The following PDZRN3 variants were observed in gnomAD, a reference collection of about 807,000 sequenced individuals.
PDZRN3 encodes E3 ubiquitin-protein ligase PDZRN3.
Under a neutral mutation model 85.7 loss-of-function variants are expected in PDZRN3, and 38 were observed. The observed-to-expected ratio is 0.44, with a 90% CI of 0.34 to 0.58. PDZRN3 has a LOEUF of 0.58. Ranked by LOEUF, PDZRN3 falls within the 20% of genes least tolerant of loss-of-function variation. PDZRN3 has a pLI of 0.01. For missense variants in PDZRN3, 1,629 were observed against 1,506.4 expected, an observed-to-expected ratio of 1.08 and a Z score of -1.35; for synonymous variants, 759 against 638.0, an observed-to-expected ratio of 1.19 and a Z score of -2.86.
intron 5 of PDZRN3, among the ~76,000 whole-genome samples, chr3:73,393,904 T>TTCTA (rs927008863): frequency 3.3e-5 from 5 of 152,192 alleles, no homozygotes; most frequent in Non-Finnish European, 4.4e-5. Flanking sequence ...AGCATTTCTG[T>TTCTA]TCTATCTTTT....
chr3:73,464,603 G>C (rs1438007843), intron 3 of PDZRN3, among the ~76,000 whole-genome samples: 1 of 151,490 alleles, frequency 6.6e-6, no homozygotes, highest in East Asian at 1.9e-4. Context: ...TTATTATATT[G>C]GCTAGAATCC....
intron 3 of PDZRN3, among the ~76,000 whole-genome samples, chr3:73,488,475 G>A (rs1226671754): frequency 6.6e-6 from 1 of 152,132 alleles, no homozygotes; most frequent in Admixed American, 6.5e-5. Context: ...CTGCTGCCTG[G>A]AACAATCTTC....
At chr3:73,479,252 C>T (rs1559700585) in intron 3 of PDZRN3, among the ~76,000 whole-genome samples, 2 of 152,286 alleles carry the variant, frequency 1.3e-5, no homozygotes, top group Non-Finnish European at 1.5e-5. Flanking sequence ...GCTCTTTCAG[C>T]CCCCAAGGAA....
At chr3:73,433,674 C>G (rs1702476376) in intron 3 of PDZRN3, 1 of 1,535,992 alleles carries the variant, frequency 6.5e-7, no homozygotes, top group Non-Finnish European at 8.7e-7. Context: ...TACTGCTCCT[C>G]TTGCTTCTGC....
At chr3:73,396,924 A>G (rs1576033021) in intron 5 of PDZRN3, among the ~76,000 whole-genome samples, 1 of 152,164 alleles carries the variant, frequency 6.6e-6, no homozygotes, top group East Asian at 1.9e-4. Context: ...AATCCCTTTA[A>G]CTCTAAGCAG....
At chr3:73,504,080 G>T (rs1325677569) in intron 3 of PDZRN3, among the ~76,000 whole-genome samples, 1 of 152,126 alleles carries the variant, frequency 6.6e-6, no homozygotes, top group Non-Finnish European at 1.5e-5. Context: ...TTTATAAACA[G>T]AAATTAATAT....
intron 3 of PDZRN3, among the ~76,000 whole-genome samples, chr3:73,554,815 A>G (rs531622679): frequency 6.6e-6 from 1 of 152,346 alleles, no homozygotes; most frequent in Non-Finnish European, 1.5e-5. Context: ...TGATCAAACT[A>G]CCAGATTCTT....
rs550599906 is a variant in PDZRN3, at chr3:73,422,909, T to C, written c.919-18514A>G. On this transcript the variant is annotated intron_variant, in intron 3 of 9. Coordinates refer to ENST00000263666, the MANE Select transcript of PDZRN3 (RefSeq NM_015009.3). ...TTTAGAAAGTCGCCAGAGAGAGAAA[T>C]AAAAAGGAGAAAATACCAAGCAAAG... Among the ~76,000 whole-genome samples, 9 of 152,146 alleles carry C rather than the reference T, an allele frequency of 5.9e-5. No homozygotes were observed. In the South Asian group the frequency reaches 1.7e-3, roughly 28 times the overall value.
chr3:73,455,856 G>A (rs1702966109), intron 3 of PDZRN3, among the ~76,000 whole-genome samples: 1 of 152,186 alleles, frequency 6.6e-6, no homozygotes, highest in Admixed American at 6.5e-5. Context: ...TCCTGATGAT[G>A]TTTGAGCAGA....
At chr3:73,453,154 TC>T (rs1702901470) in intron 3 of PDZRN3, among the ~76,000 whole-genome samples, 1 of 152,024 alleles carries the variant, frequency 6.6e-6, no homozygotes, top group Non-Finnish European at 1.5e-5. Context: ...ATGCCTGTAA[TC>T]CCAGCACTTT....
Position 73,624,556 on chromosome 3 carries a change from G to T in PDZRN3, c.270C>A (p.Gly90=). The stretch of plus-strand genomic sequence containing the variant: ...GCAGCTGCTGCAGCTTGACCACCCG[G>T]CCGCAGCCGCGCGTCGCGTACGCGC... ...IKCAYATRGC[G]RVVKLQQLPE... The change falls in exon 1 of 10, where the codon GGC becomes GGA. Residue 90 remains glycine (G), a synonymous_variant. Transcript: ENST00000263666. The T allele has an allele frequency of 6.6e-7, 1 of 1,523,392 alleles. No individual in the cohort carries two copies. The allele number at this position is 1,523,392 out of a possible 1,614,324, so 94.4% of individuals were successfully genotyped here.
At chr3:73,592,316 T>TA (rs1474607018) in intron 3 of PDZRN3, among the ~76,000 whole-genome samples, 1 of 152,104 alleles carries the variant, frequency 6.6e-6, no homozygotes, top group Non-Finnish European at 1.5e-5. Flanking sequence ...TATTGAAAAA[T>TA]AAAAAATAAA....
At chr3:73,492,661 T>C (rs1703793229) in intron 3 of PDZRN3, among the ~76,000 whole-genome samples, 1 of 152,174 alleles carries the variant, frequency 6.6e-6, no homozygotes, top group Admixed American at 6.5e-5. Flanking sequence ...GCCCTGCTGC[T>C]AAGCACTGGC....
intron 3 of PDZRN3, among the ~76,000 whole-genome samples, chr3:73,531,174 C>G (rs907326131): frequency 6.7e-6 from 1 of 150,036 alleles, no homozygotes; most frequent in South Asian, 2.1e-4. Flanking sequence ...TGGCATGAAC[C>G]CGGGAGGCGG....
intron 3 of PDZRN3, among the ~76,000 whole-genome samples, chr3:73,435,085 G>T (rs1454986439): frequency 6.6e-6 from 1 of 152,206 alleles, no homozygotes; most frequent in Non-Finnish European, 1.5e-5. Context: ...CACGTCCCTT[G>T]CTGAGACGTG....
In PDZRN3 at chr3:73,436,383, C is replaced by A. The variant is rs973779001; in HGVS notation, c.919-31988G>T. 7.2e-5 allele frequency among the ~76,000 whole-genome samples: 11 copies of A among 152,144 alleles called. 1 individual carries two copies. The highest frequency in any genetic ancestry group is 6.3e-3 in the Middle Eastern group (2 of 316). Reference sequence around the variant, plus strand: ...TGACCTGTGCGGTCTCACAGACCCACCAGTCACAGCACAATTGGCAAGTAC... The same window carrying A: ...TGACCTGTGCGGTCTCACAGACCCAACAGTCACAGCACAATTGGCAAGTAC... On this transcript the variant is annotated intron_variant, in intron 3 of 9. Coordinates refer to ENST00000263666, the MANE Select transcript of PDZRN3 (RefSeq NM_015009.3).
chr3:73,527,999 C>G (rs1035134961), intron 3 of PDZRN3, among the ~76,000 whole-genome samples: 3 of 152,176 alleles, frequency 2.0e-5, no homozygotes, highest in Admixed American at 1.3e-4. Context: ...AAAAGCCCAC[C>G]GGCTTATGTC....
intron 3 of PDZRN3, chr3:73,561,656 A>C (rs1701817215): frequency 1.3e-5 from 2 of 152,092 alleles, no homozygotes; most frequent in South Asian, 4.2e-4. Flanking sequence ...AAAATGATGC[A>C]CTCACATGGT....
intron 3 of PDZRN3, among the ~76,000 whole-genome samples, chr3:73,486,993 C>T (rs749860592): frequency 3.3e-5 from 5 of 152,160 alleles, no homozygotes; most frequent in Admixed American, 6.5e-5. Context: ...CTGTATTTTA[C>T]ACCTTGTCTC....
Sources: gnomAD v4.1 joint callset for allele counts (sites outside exome capture counted in the v4.1 genomes callset) on GRCh38, gnomAD v4.1.1 for gene constraint, MANE v1.5 for transcripts, NCBI Gene and HGNC (gene_info 2026-07-23, HGNC 2026-07-21) for gene names.